TNIK: variants seen among roughly 807,000 people sequenced by gnomAD.
The protein encoded by TNIK is TRAF2 and NCK interacting kinase, also known as TRAF2 and NCK-interacting protein kinase.
A neutral mutation model predicts 191.3 loss-of-function variants in TNIK; 49 were observed. The observed-to-expected ratio is 0.26, with a 90% CI of 0.20 to 0.32. The LOEUF (loss-of-function observed/expected upper bound fraction) is 0.32, where lower values mean the gene tolerates loss of function less well. TNIK is among the 10% of genes least tolerant of loss of function. The probability of loss-of-function intolerance (pLI) is 1.00; values close to 1 mark genes in which losing one functional copy is unlikely to be tolerated. For synonymous variants in TNIK, 594 were observed against 600.9 expected (o/e 0.99, Z 0.17); for missense variants, 1,155 against 1,702.3 (o/e 0.68, Z 5.66).
intron 1 of TNIK, among the ~76,000 whole-genome samples, chr3:171,396,487 C>G (rs1343876940): frequency 1.3e-5 from 2 of 152,096 alleles, no homozygotes; most frequent in Non-Finnish European, 2.9e-5. Context: ...GTAGAATTGC[C>G]TGGTTATATG....
intron 3 of TNIK, among the ~76,000 whole-genome samples, chr3:171,224,163 T>C (rs1301904746): frequency 6.6e-6 from 1 of 152,110 alleles, no homozygotes; most frequent in Non-Finnish European, 1.5e-5. Flanking sequence ...AGCCCACAGA[T>C]GGAGAGAGAC....
chr3:171,288,877 A>G (rs1751360686), intron 2 of TNIK, among the ~76,000 whole-genome samples: 1 of 152,162 alleles, frequency 6.6e-6, no homozygotes, highest in Non-Finnish European at 1.5e-5. Context: ...GTTTCTTGAA[A>G]TAAACATTTA....
At chr3:171,192,548 A>G (rs985399468) in intron 5 of TNIK, among the ~76,000 whole-genome samples, 5 of 152,236 alleles carry the variant, frequency 3.3e-5, no homozygotes, top group Non-Finnish European at 7.3e-5. Context: ...AAAGGTATTG[A>G]GAGATGCTCA....
At chr3:171,236,282 G>A (rs138589118) in intron 2 of TNIK, among the ~76,000 whole-genome samples, 17 of 152,292 alleles carry the variant, frequency 1.1e-4, no homozygotes, top group African/African-American at 3.6e-4. Context: ...TTGGGGAAAT[G>A]TCTACTTCCG....
At chr3:171,419,802 A>T (rs1723536294) in intron 1 of TNIK, among the ~76,000 whole-genome samples, 1 of 151,398 alleles carries the variant, frequency 6.6e-6, no homozygotes, top group African/African-American at 2.4e-5. Flanking sequence ...TTAGCATTTC[A>T]TCAGAAGAAT....
intron 15 of TNIK, among the ~76,000 whole-genome samples, chr3:171,137,050 A>G (rs1040726213): frequency 1.3e-5 from 2 of 151,852 alleles, no homozygotes; most frequent in African/African-American, 2.4e-5. Context: ...AAAAAAATAC[A>G]TGATCACTCT....
chr3:171,218,260 C>G (rs1741698207), intron 3 of TNIK, among the ~76,000 whole-genome samples: 1 of 152,104 alleles, frequency 6.6e-6, no homozygotes, highest in African/African-American at 2.4e-5. Flanking sequence ...AACCTGCTTT[C>G]TCTTACAATG....
chr3:171,077,853 G>A (rs61461862), intron 28 of TNIK, among the ~76,000 whole-genome samples: 3 of 148,014 alleles, frequency 2.0e-5, no homozygotes, highest in South Asian at 2.1e-4. Flanking sequence ...ACAGCTGTAT[G>A]TATGTATGTA....
chr3:171,258,562 C>T lies in TNIK; in HGVS notation c.124-30341G>A, dbSNP rs575090895. The stretch of plus-strand genomic sequence containing the variant: ...CTGTAGCAACTACATAAGGAACCCA[C>T]GAGACCAGTAAAGAAAAGCCAAGTC... On this transcript the variant is annotated intron_variant, in intron 2 of 32. Transcript: ENST00000436636. Among the ~76,000 whole-genome samples the T allele has an allele frequency of 2.3e-3, 353 of 152,284 alleles. 3 individuals carry two copies. The highest frequency in any genetic ancestry group is 8.1e-3 in the African/African-American group (336 of 41,554).
chr3:171,254,610 A>G (rs1054657186), intron 2 of TNIK, among the ~76,000 whole-genome samples: 1 of 152,238 alleles, frequency 6.6e-6, no homozygotes, highest in Non-Finnish European at 1.5e-5. Context: ...GCAGAAAACA[A>G]TGATCATTAC....
intron 26 of TNIK, 62 bp downstream of exon 26, chr3:171,084,093 T>C: frequency 1.4e-6 from 2 of 1,463,098 alleles, no homozygotes. Context: ...TTTTAATGTT[T>C]GAGGGTCAGT....
At chr3:171,397,683 A>G (rs958085702) in intron 1 of TNIK, among the ~76,000 whole-genome samples, 1 of 152,228 alleles carries the variant, frequency 6.6e-6, no homozygotes, top group African/African-American at 2.4e-5. Flanking sequence ...TCACTGTAAT[A>G]TGTTTATATC....
chr3:171,274,013 A>G (rs1749431029), intron 2 of TNIK, among the ~76,000 whole-genome samples: 1 of 152,250 alleles, frequency 6.6e-6, no homozygotes, highest in Non-Finnish European at 1.5e-5. Context: ...GAATATAGAC[A>G]TATATCCACA....
At chr3:171,092,099 G>A (rs866508410) in intron 23 of TNIK, among the ~76,000 whole-genome samples, 1 of 151,720 alleles carries the variant, frequency 6.6e-6, no homozygotes, top group Non-Finnish European at 1.5e-5. Context: ...ACAGGCGCCC[G>A]CCACGACGCC....
chr3:171,138,237 T>G lies in TNIK; in HGVS notation c.1562A>C (p.Tyr521Ser), dbSNP rs1372521139. The G allele has an allele frequency of 6.2e-7, 1 of 1,613,124 alleles. No homozygotes were observed. Among genetic ancestry groups the G allele is most frequent in the Admixed American group, 1.7e-5 (1 of 59,786 alleles). ...RPVEKKPLYH[Y>S]KEGMSPSEKP... is the part of the protein sequence containing the mutation. Reference sequence around the variant, plus strand: ...CTCACTAGGACTCATTCCTTCTTTGTAATGGTACAGTGGCTTCTTCTCCAC... The same window carrying G: ...CTCACTAGGACTCATTCCTTCTTTGGAATGGTACAGTGGCTTCTTCTCCAC... The change falls in exon 15 of 33, where the codon TAC becomes TCC. Residue 521 changes from tyrosine to serine, a missense_variant. By Grantham distance (144) the Tyr-to-Ser change is moderately radical. Transcript: ENST00000436636.
At chr3:171,304,864 G>A (rs9839031) in intron 2 of TNIK, among the ~76,000 whole-genome samples, 112 of 152,114 alleles carry the variant, frequency 7.4e-4, no homozygotes, top group Middle Eastern at 3.4e-3. Flanking sequence ...GTTGTGGGGT[G>A]GGGGGAGTGG....
At position 171,434,471 on chromosome 3, in the gene TNIK, T is replaced by TTTA. The variant is rs1560069707; in HGVS notation, c.57+25535_57+25536insTAA. On this transcript the variant is annotated intron_variant, in intron 1 of 32. Transcript: ENST00000436636. ...TATTTATTTATTTATTTATTTATTT[T>TTTA]TTTTGAGACAAAGTCTTGCTCTGTT... 3.5e-4 allele frequency among the ~76,000 whole-genome samples: 53 copies of TTTA among 150,782 alleles called. No homozygotes were observed. In the East Asian group the frequency reaches 5.2e-3, roughly 15 times the overall value.
At chr3:171,310,239 G>C (rs1441075510) in intron 2 of TNIK, among the ~76,000 whole-genome samples, 2 of 151,966 alleles carry the variant, frequency 1.3e-5, no homozygotes, top group African/African-American at 4.8e-5. Context: ...GACTTGTCTG[G>C]ACTGCATCTT....
chr3:171,332,510 C>G (rs990289519), intron 2 of TNIK, among the ~76,000 whole-genome samples: 2 of 152,156 alleles, frequency 1.3e-5, no homozygotes, highest in African/African-American at 4.8e-5. Flanking sequence ...TCCAAAATGG[C>G]CGGAACGCTG....
Sources: allele counts gnomAD v4.1 joint callset (sites outside exome capture counted in the v4.1 genomes callset), GRCh38; gene constraint gnomAD v4.1.1; transcripts MANE v1.5; gene names NCBI Gene and HGNC (gene_info 2026-07-23, HGNC 2026-07-21).